Variants in FAM13B observed in about 807,000 individuals in gnomAD.
FAM13B encodes family with sequence similarity 13 member B, also known as protein FAM13B.
FAM13B carries 60 observed loss-of-function variants against 117.3 expected under a neutral mutation model. That is an observed-to-expected ratio of 0.51 (90% confidence interval 0.42 to 0.63). FAM13B has a LOEUF of 0.63. Among genes scored for constraint, FAM13B ranks in the 30% least tolerant of loss-of-function variants. The probability of loss-of-function intolerance (pLI) is 0.00; values close to 1 mark genes in which losing one functional copy is unlikely to be tolerated. For synonymous variants in FAM13B, 332 were observed against 356.1 expected, an observed-to-expected ratio of 0.93 and a Z score of 0.76; for missense variants, 972 against 1,091.9, an observed-to-expected ratio of 0.89 and a Z score of 1.55.
chr5:138,016,502 T>G (rs561013540), intron 4 of FAM13B, among the ~76,000 whole-genome samples: 1 of 152,050 alleles, frequency 6.6e-6, no homozygotes, highest in South Asian at 2.1e-4. Flanking sequence ...GGCATGGTGG[T>G]GCGCGCCTGT....
At chr5:137,983,176 T>TTAAAAAAAAAAAAAAA (rs1776254227) in intron 10 of FAM13B, among the ~76,000 whole-genome samples, 1 of 75,118 alleles carries the variant, frequency 1.3e-5, no homozygotes, top group African/African-American at 5.7e-5. Context: ...CCAGTGTAGG[T>TTAAAAAAAAAAAAAAA]AAAAAAAAAA....
chr5:138,000,163 T>C (rs1330573754), intron 7 of FAM13B, among the ~76,000 whole-genome samples: 1 of 152,178 alleles, frequency 6.6e-6, no homozygotes, highest in African/African-American at 2.4e-5. Context: ...TTAAGGAGAC[T>C]AAGGCTGGAG....
intron 17 of FAM13B, among the ~76,000 whole-genome samples, chr5:137,951,209 CAAAAAAAA>C (rs1158310740): frequency 9.5e-5 from 6 of 63,240 alleles, no homozygotes; most frequent in East Asian, 5.5e-4. Flanking sequence ...CTGTCTCAAA[CAAAAAAAA>C]AAAAAAAAAA....
At chr5:138,048,507 C>T (rs949895688) in intron 1 of FAM13B, among the ~76,000 whole-genome samples, 2 of 152,124 alleles carry the variant, frequency 1.3e-5, no homozygotes, top group African/African-American at 4.8e-5. Flanking sequence ...AGAAAAATGA[C>T]ATATCCACTG....
intron 7 of FAM13B, among the ~76,000 whole-genome samples, chr5:138,002,527 C>A (rs1032273598): frequency 6.6e-6 from 1 of 152,056 alleles, no homozygotes; most frequent in Non-Finnish European, 1.5e-5. Flanking sequence ...GAGTGAAACT[C>A]CATGTGAAAA....
At chr5:137,940,900 C>G (rs780447547) in intron 23 of FAM13B, among the ~76,000 whole-genome samples, 1 of 151,976 alleles carries the variant, frequency 6.6e-6, no homozygotes, top group African/African-American at 2.4e-5. Flanking sequence ...TGCATTTCTG[C>G]ACTTCAATTT....
intron 10 of FAM13B, among the ~76,000 whole-genome samples, chr5:137,967,146 A>G (rs1434427822): frequency 6.6e-6 from 1 of 152,218 alleles, no homozygotes; most frequent in Non-Finnish European, 1.5e-5. Flanking sequence ...TAACACCATC[A>G]AAAATGACTT....
At chr5:138,002,617 C>T (rs1781536588) in intron 7 of FAM13B, among the ~76,000 whole-genome samples, 1 of 151,684 alleles carries the variant, frequency 6.6e-6, no homozygotes, top group Non-Finnish European at 1.5e-5. Context: ...ATTTAAAAAC[C>T]CTAATCATTC....
At chr5:138,006,201 T>C (rs1050521538) in intron 7 of FAM13B, among the ~76,000 whole-genome samples, 1 of 152,102 alleles carries the variant, frequency 6.6e-6, no homozygotes, top group African/African-American at 2.4e-5. Flanking sequence ...CCGGCCTATT[T>C]CCTCTTCTTT....
At chr5:137,966,478 TATATATATATAGAG>T (rs1354427164) in intron 10 of FAM13B, among the ~76,000 whole-genome samples, 18 of 64,420 alleles carry the variant, frequency 2.8e-4, no homozygotes, top group African/African-American at 1.1e-4. Flanking sequence ...TATATATATA[TATATATATATAGAG>T]AGAGAGAGAG....
chr5:138,035,400 C>T (rs1389104560), upstream of FAM13B, among the ~76,000 whole-genome samples: 1 of 152,008 alleles, frequency 6.6e-6, no homozygotes, highest in Non-Finnish European at 1.5e-5. Context: ...TCAAAAACTG[C>T]AGAACATATT....
intron 14 of FAM13B, 33 bp downstream of exon 14, chr5:137,956,444 C>A (rs1581084687): frequency 6.9e-7 from 1 of 1,444,432 alleles, no homozygotes; most frequent in Non-Finnish European, 9.4e-7. Flanking sequence ...CCATAAAAGG[C>A]AAAAAAACTA....
intron 10 of FAM13B, among the ~76,000 whole-genome samples, chr5:137,966,480 TATATATATAGAG>T (rs1358875804): frequency 5.8e-4 from 34 of 59,068 alleles, no homozygotes; most frequent in African/African-American, 1.1e-3. Flanking sequence ...TATATATATA[TATATATATAGAG>T]AGAGAGAGAG....
intron 4 of FAM13B, among the ~76,000 whole-genome samples, chr5:138,012,709 ATGAAG>A (rs1194171480): frequency 6.6e-6 from 1 of 152,186 alleles, no homozygotes; most frequent in Non-Finnish European, 1.5e-5. Context: ...TCCTCTCGAA[ATGAAG>A]TGATTTATTG....
At chr5:138,033,084 G>C, upstream of FAM13B, 1 of 985,938 alleles carries the variant, frequency 1.0e-6, no homozygotes, top group Non-Finnish European at 1.2e-6. Flanking sequence ...GCGGCTGGCG[G>C]GCGGAGGCCG....
intron 1 of FAM13B, among the ~76,000 whole-genome samples, chr5:138,026,628 CAAAAAAAAAAA>C (rs56195021): frequency 6.8e-5 from 2 of 29,440 alleles, no homozygotes; most frequent in Admixed American, 5.3e-4. Flanking sequence ...GACCGTGTCT[CAAAAAAAAAAA>C]AAAAAAAAAA....
chr5:138,013,938 C>T (rs185636728), intron 4 of FAM13B, among the ~76,000 whole-genome samples: 7 of 152,002 alleles, frequency 4.6e-5, no homozygotes, highest in Non-Finnish European at 7.4e-5. Context: ...GTTCTGTGAG[C>T]GCAGAGATAT....
intron 7 of FAM13B, among the ~76,000 whole-genome samples, chr5:138,003,774 G>A (rs1781852140): frequency 1.3e-5 from 2 of 152,210 alleles, no homozygotes; most frequent in African/African-American, 4.8e-5. Flanking sequence ...ATAACAGACA[G>A]ACGGAGGCAG....
intron 20 of FAM13B, 108 bp downstream of exon 20, chr5:137,945,794 A>C (rs1042440145): frequency 4.2e-6 from 3 of 706,558 alleles, no homozygotes; most frequent in Non-Finnish European, 6.9e-6. Flanking sequence ...AGTGACAATT[A>C]TTTCTGTCTT....
Sources: allele counts gnomAD v4.1 joint callset (sites outside exome capture counted in the v4.1 genomes callset), GRCh38; gene constraint gnomAD v4.1.1; transcripts MANE v1.5; gene names NCBI Gene and HGNC (gene_info 2026-07-23, HGNC 2026-07-21).